Variants in PHACTR1 observed in about 807,000 individuals in gnomAD.
PHACTR1 encodes RPEL repeat containing 1.
Under a neutral mutation model 69.2 loss-of-function variants are expected in PHACTR1, and 16 were observed. The observed-to-expected ratio is 0.23, with a 90% CI of 0.16 to 0.35. The LOEUF is 0.35. PHACTR1 is among the 10% of genes least tolerant of loss of function. PHACTR1 has a pLI of 1.00. For missense variants in PHACTR1, 510 were observed against 734.7 expected (o/e 0.69, Z 3.54); for synonymous variants, 312 against 284.5 (o/e 1.10, Z -0.97).
At chr6:12,952,044 A>G (rs751392470) in intron 4 of PHACTR1, among the ~76,000 whole-genome samples, 15 of 152,212 alleles carry the variant, frequency 9.9e-5, no homozygotes. Flanking sequence ...ACCCGTGAGC[A>G]AGACGTTCTC....
Position 13,144,811 on chromosome 6 carries a change from G to GACC in PHACTR1, c.416-15393_416-15392insACC, listed in dbSNP as rs1561895531. Among the ~76,000 whole-genome samples, 74 of 149,594 alleles carry GACC rather than the reference G, an allele frequency of 4.9e-4. 1 individual carries two copies. The highest frequency in any genetic ancestry group is 1.8e-3 in the African/African-American group (71 of 40,466). ...AAAAAAGTATGTGTGGAAATTCAAAGGACCAAGAATGGTAAGAGCAATTGA... is the reference window on the plus strand; with the variant it reads ...AAAAAAGTATGTGTGGAAATTCAAAGACCGACCAAGAATGGTAAGAGCAATTGA... On this transcript the variant is annotated intron_variant, in intron 5 of 14. Coordinates refer to ENST00000332995, the MANE Select transcript of PHACTR1 (RefSeq NM_030948.6).
intron 4 of PHACTR1, among the ~76,000 whole-genome samples, chr6:13,034,462 C>A (rs1201331759): frequency 6.6e-6 from 1 of 152,186 alleles, no homozygotes; most frequent in Admixed American, 6.5e-5. Context: ...CAAACCACTT[C>A]CTCTCATATT....
chr6:13,198,556 T>C (rs998334454), intron 7 of PHACTR1, among the ~76,000 whole-genome samples: 4 of 151,906 alleles, frequency 2.6e-5, no homozygotes, highest in Admixed American at 6.6e-5. Flanking sequence ...CTGGCCCACA[T>C]TGGAAGAAGA....
chr6:13,179,804 G>A lies in PHACTR1; in HGVS notation c.497-2715G>A, dbSNP rs1321459416. The stretch of plus-strand genomic sequence containing the variant: ...GAAATTGCCAAAAGCTAAAATATGT[G>A]TATGGTCTGTACATTTCTTCTAATT... On this transcript the variant is annotated intron_variant, in intron 6 of 14. Transcript: ENST00000332995. This position sits in a 1 kb window ranked among gnomAD's most constrained non-coding sequence, Gnocchi z 4.2. 6.6e-6 allele frequency among the ~76,000 whole-genome samples: 1 copy of A among 152,098 alleles called. No individual in the cohort carries two copies. The highest frequency in any genetic ancestry group is 1.5e-5 in the Non-Finnish European group (1 of 68,026).
intron 5 of PHACTR1, among the ~76,000 whole-genome samples, chr6:13,135,727 A>G (rs1211551650): frequency 6.6e-6 from 1 of 152,166 alleles, no homozygotes; most frequent in African/African-American, 2.4e-5. Flanking sequence ...TTTAATTAAA[A>G]CGTATTTTAG....
At chr6:12,770,980 A>C (rs1210126194) in intron 4 of PHACTR1, among the ~76,000 whole-genome samples, 1 of 152,118 alleles carries the variant, frequency 6.6e-6, no homozygotes, top group African/African-American at 2.4e-5. Flanking sequence ...AAGAACAAGA[A>C]AGCTGGTAGG....
At chr6:13,174,365 G>C (rs148563223) in intron 6 of PHACTR1, among the ~76,000 whole-genome samples, 193 of 152,334 alleles carry the variant, frequency 1.3e-3, no homozygotes, top group African/African-American at 4.3e-3. Flanking sequence ...ATAGCCATAG[G>C]TGATCATCAG....
At chr6:12,774,229 G>A (rs1259735891) in intron 4 of PHACTR1, among the ~76,000 whole-genome samples, 1 of 152,216 alleles carries the variant, frequency 6.6e-6, no homozygotes, top group East Asian at 1.9e-4. Flanking sequence ...CATGATTAAT[G>A]TTTGCTTAAC....
intron 10 of PHACTR1, among the ~76,000 whole-genome samples, chr6:13,262,616 C>T (rs1385685863): frequency 6.6e-6 from 1 of 152,030 alleles, no homozygotes; most frequent in African/African-American, 2.4e-5. Flanking sequence ...CAGAAATGCC[C>T]CAATCCTCAT....
At chr6:13,010,732 A>C (rs558650156) in intron 4 of PHACTR1, among the ~76,000 whole-genome samples, 1 of 152,236 alleles carries the variant, frequency 6.6e-6, no homozygotes, top group South Asian at 2.1e-4. Flanking sequence ...TGTATCCTAA[A>C]TAAGGGATGG....
At chr6:13,247,189 CAGAT>C (rs1049317601) in intron 10 of PHACTR1, among the ~76,000 whole-genome samples, 5 of 152,118 alleles carry the variant, frequency 3.3e-5, no homozygotes, top group African/African-American at 1.2e-4. Flanking sequence ...AATAGGTAGA[CAGAT>C]AAACAGTGGG....
intron 4 of PHACTR1, among the ~76,000 whole-genome samples, chr6:12,788,153 A>T (rs1771777252): frequency 7.6e-6 from 1 of 131,846 alleles, no homozygotes; most frequent in Non-Finnish European, 1.7e-5. Context: ...ATGAGACTCA[A>T]TCTCAAATTA....
chr6:12,867,068 T>C (rs1045901625), intron 4 of PHACTR1, among the ~76,000 whole-genome samples: 2 of 152,124 alleles, frequency 1.3e-5, no homozygotes, highest in African/African-American at 4.8e-5. Flanking sequence ...GGCTACAAGC[T>C]GCATCAGGCA....
At chr6:13,074,541 G>A (rs899927165) in intron 5 of PHACTR1, among the ~76,000 whole-genome samples, 31 of 152,330 alleles carry the variant, frequency 2.0e-4, no homozygotes, top group African/African-American at 7.5e-4. Context: ...GACAGGAAGA[G>A]CATTCCACAT....
chr6:13,044,561 G>A (rs555476662), intron 4 of PHACTR1, among the ~76,000 whole-genome samples: 5 of 152,112 alleles, frequency 3.3e-5, no homozygotes, highest in Non-Finnish European at 5.9e-5. Flanking sequence ...CACCTCTGGC[G>A]TCAGGACGGA....
At chr6:13,091,574 A>G (rs1421976413) in intron 5 of PHACTR1, among the ~76,000 whole-genome samples, 1 of 152,164 alleles carries the variant, frequency 6.6e-6, no homozygotes, top group Non-Finnish European at 1.5e-5. Context: ...TAAGCACATT[A>G]CATCTATTGT....
chr6:13,203,838 G>T (rs1765554360), intron 7 of PHACTR1, among the ~76,000 whole-genome samples: 1 of 152,144 alleles, frequency 6.6e-6, no homozygotes, highest in African/African-American at 2.4e-5. Context: ...TGGGAGGTGG[G>T]GAAGCCGTGA....
chr6:12,835,544 G>T (rs148685591), intron 4 of PHACTR1, among the ~76,000 whole-genome samples: 1 of 152,034 alleles, frequency 6.6e-6, no homozygotes, highest in African/African-American at 2.4e-5. Context: ...TTTTAAAAGG[G>T]TATTCAGGAG....
At chr6:13,174,408 T>TGC (rs1393679957) in intron 6 of PHACTR1, among the ~76,000 whole-genome samples, 24 of 152,272 alleles carry the variant, frequency 1.6e-4, no homozygotes, top group African/African-American at 5.8e-4. Context: ...TTTGCAAGCA[T>TGC]GCATGTGTAA....
Sources: allele counts gnomAD v4.1 joint callset (sites outside exome capture counted in the v4.1 genomes callset), GRCh38; gene constraint gnomAD v4.1.1; non-coding constraint Gnocchi (gnomAD v3.1); transcripts MANE v1.5; gene names NCBI Gene and HGNC (gene_info 2026-07-23, HGNC 2026-07-21).